HK3: variants seen among roughly 807,000 people sequenced by gnomAD.
HK3 encodes hexokinase 3.
In HK3, 93 loss-of-function variants were observed where a neutral mutation model predicts 91.0. The observed-to-expected ratio is 1.02, with a 90% CI of 0.86 to 1.21. HK3 has a LOEUF of 1.21. HK3 is among the 50% of genes most tolerant of loss of function. The probability of loss-of-function intolerance (pLI) is 0.00; values close to 1 mark genes in which losing one functional copy is unlikely to be tolerated. For synonymous variants in HK3, 519 were observed against 516.9 expected (o/e 1.00, Z -0.06); for missense variants, 1,235 against 1,247.4 (o/e 0.99, Z 0.15).
rs2149374863 is a variant in HK3, at chr5:176,887,390, AG to A, written c.1601-54del. 5.0e-6 allele frequency: 8 copies of A among 1,613,278 alleles called. No homozygotes were observed. The South Asian group carries it at 8.8e-5, about 18-fold the overall frequency. ...GGATAGGGCTTGTGGCTCCAGCCCC[AG>A]CACACACTGGGACCCCCAGGAGCCC... On this transcript the variant is annotated intron_variant, in intron 11 of 18. Coordinates refer to ENST00000292432, the MANE Select transcript of HK3 (RefSeq NM_002115.3). The surrounding 1 kb of genome is among the most constrained non-coding windows in gnomAD (Gnocchi z 4.9).
Position 176,891,498 on chromosome 5 carries a change from A to T in HK3, c.149T>A (p.Ile50Asn). The T allele has an allele frequency of 6.2e-7, 1 of 1,614,106 alleles. No homozygotes were observed. The highest frequency in any genetic ancestry group is 1.1e-5 in the South Asian group (1 of 91,066). Residue 50 changes from isoleucine (I) to asparagine (N), a missense_variant, in exon 3 of 19, where the codon ATC becomes AAC. By Grantham distance (149) the Ile-to-Asn change is moderately radical. This residue lies in a region of HK3 where 717 missense variants were observed against 751.6 expected (regional missense o/e 0.95). Transcript: ENST00000292432. ...FKVTRAQLQQIQASLLGSMEQ... is the reference protein window; with the variant it reads ...FKVTRAQLQQNQASLLGSMEQ... ...CATGGAACCCAAGAGGCTGGCTTGG[A>T]TCTGCTGTAGCTGTGCCCTTGTCAC... is the stretch of plus-strand genomic sequence containing the variant.
At chr5:176,882,257 G>T (rs1039278873) in intron 15 of HK3, 130 bp from the exon 16 acceptor site, 4 of 947,848 alleles carry the variant, frequency 4.2e-6, no homozygotes, top group Admixed American at 4.5e-5. Flanking sequence ...GCCTGTCCCT[G>T]GTCCTGGTCC....
At position 176,891,175 on chromosome 5, in the gene HK3, C is replaced by A. The variant is rs140186766; in HGVS notation, c.276G>T (p.Val92=). The change falls in exon 4 of 19, where the codon GTG becomes GTT. Residue 92 remains valine (V), a synonymous_variant. Coordinates refer to ENST00000292432, the MANE Select transcript of HK3 (RefSeq NM_002115.3). The part of the protein sequence containing the change: ...TPHGTEQGDF[V]VLELGATGAS... ...CCCCTGTGGCCCCCAGCTCCAGCAC[C>A]ACGAAGTCTCCTTGCTCTGGAGGGC... 107 of 1,614,160 alleles carry A rather than the reference C, an allele frequency of 6.6e-5. No individual in the cohort carries two copies. In the African/African-American group the frequency reaches 1.2e-3, roughly 18 times the overall value.
rs1461955650 is a variant in HK3 at position 176,889,466 on chromosome 5, A to C, written c.829T>G (p.Phe277Val). 19 of 1,614,186 alleles carry C rather than the reference A, an allele frequency of 1.2e-5. No individual in the cohort carries two copies. The highest frequency in any genetic ancestry group is 1.6e-5 in the Non-Finnish European group (19 of 1,180,026). Residue 277 changes from phenylalanine (F) to valine (V), a missense_variant, in exon 8 of 19, where the codon TTC becomes GTC. By Grantham distance (50) the Phe-to-Val change is conservative. Transcript: ENST00000292432. ...RVCVSVEWGS[F>V]SDDGALGPVL... ...GGTCCCAGCGCCCCATCATCGCTGA[A>C]GGAGCCCCACTCGACGCTGACGCAG... is the stretch of plus-strand genomic sequence containing the variant.
intron 2 of HK3, among the ~76,000 whole-genome samples, chr5:176,895,178 G>A (rs1001614069): frequency 6.1e-5 from 9 of 147,518 alleles, no homozygotes; most frequent in East Asian, 2.0e-4. Context: ...TCCCGGGTTC[G>A]AGCGATTCTC....
chr5:176,881,824 A>G lies in HK3; in HGVS notation c.2261T>C (p.Met754Thr), dbSNP rs1194891954. 3.1e-6 allele frequency: 5 copies of G among 1,614,038 alleles called. No homozygotes were observed. The highest frequency in any genetic ancestry group is 3.3e-4 in the Middle Eastern group (2 of 6,062). The change falls in exon 17 of 19, where the codon ATG (methionine) becomes ACG (threonine). Residue 754 changes from methionine (M) to threonine (T), a missense_variant. Transcript: ENST00000292432. ...KQRFEKMISG[M>T]YLGEIVRHIL... ...GTGGCGGACGATCTCCCCCAGGTAC[A>G]TGCCGCTGATCATCTTTTCAAACCT...
chr5:176,890,703 AACC>A lies in HK3; in HGVS notation c.559_561del (p.Gly187del), dbSNP rs1758741249. On this transcript the variant is annotated inframe_deletion, in exon 6 of 19. Transcript: ENST00000292432. Reference sequence around the variant, plus strand: ...TGGCCTTCCACACCACTGCACCTAAAACCTTTGGTCCAGGAAATGAGGGTGCTC... The same window carrying A: ...TGGCCTTCCACACCACTGCACCTAAATTTGGTCCAGGAAATGAGGGTGCTC... The A allele has an allele frequency of 6.2e-7, 1 of 1,613,946 alleles. No homozygotes were observed. Among genetic ancestry groups the A allele is most frequent in the Admixed American group, 1.7e-5 (1 of 59,982 alleles).
At chr5:176,889,883 T>G in intron 6 of HK3, 139 bp from the exon 7 acceptor site, 3 of 687,350 alleles carry the variant, frequency 4.4e-6, no homozygotes, top group Admixed American at 4.6e-5. Context: ...GCCACACACA[T>G]TTGTGCCACA....
At chr5:176,893,992 C>G (rs372825131) in intron 2 of HK3, among the ~76,000 whole-genome samples, 6 of 152,348 alleles carry the variant, frequency 3.9e-5, no homozygotes, top group African/African-American at 1.4e-4. Flanking sequence ...ATCACCTCAC[C>G]TCTCTGAGCA....
chr5:176,888,755 G>A lies in HK3; in HGVS notation c.1024C>T (p.Leu342=). Reference sequence around the variant, plus strand: ...TCCAGGAGGATGCTGCCTTGGCTCAGCAGGGCAGGGGAGGTGCAGCCACCA... The same window carrying A: ...TCCAGGAGGATGCTGCCTTGGCTCAACAGGGCAGGGGAGGTGCAGCCACCA... The part of the protein sequence containing the change: ...LFGGCTSPAL[L]SQGSILLEHV... Residue 342 remains leucine, a synonymous_variant, in exon 9 of 19, where the codon CTG becomes TTG. Coordinates refer to ENST00000292432, the MANE Select transcript of HK3 (RefSeq NM_002115.3). The A allele has an allele frequency of 6.2e-7, 1 of 1,614,214 alleles. No homozygotes were observed. The highest frequency in any genetic ancestry group is 8.5e-7 in the Non-Finnish European group (1 of 1,180,032).
chr5:176,887,143 G>A lies in HK3; in HGVS notation c.1738-22C>T. Reference sequence around the variant, plus strand: ...AGAGCTGTGGGGCAGGACAGGTCAGGCGTAGGCACTGCTCAGCCCTTCCCC... The same window carrying A: ...AGAGCTGTGGGGCAGGACAGGTCAGACGTAGGCACTGCTCAGCCCTTCCCC... On this transcript the variant is annotated intron_variant, in intron 12 of 18. Transcript: ENST00000292432. This position sits in a 1 kb window ranked among gnomAD's most constrained non-coding sequence, Gnocchi z 4.9. The A allele has an allele frequency of 6.2e-7, 1 of 1,614,196 alleles. No homozygotes were observed. Among genetic ancestry groups the A allele is most frequent in the Non-Finnish European group, 8.5e-7 (1 of 1,180,036 alleles).
intron 1 of HK3, among the ~76,000 whole-genome samples, chr5:176,898,255 G>A (rs1250617682): frequency 6.6e-6 from 1 of 152,200 alleles, no homozygotes; most frequent in African/African-American, 2.4e-5. Context: ...ACAGGGTCTG[G>A]TATAGGTATG....
chr5:176,896,290 G>A, intron 1 of HK3, 105 bp from the exon 2 acceptor site: 3 of 530,578 alleles, frequency 5.7e-6, no homozygotes, highest in Non-Finnish European at 1.0e-5. Flanking sequence ...CAGGAAGGAA[G>A]CTGGGAGCAG....
rs150421022 is a variant in HK3, at chr5:176,884,089, C to A, written c.1903G>T (p.Glu635Ter). 2.4e-4 allele frequency: 390 copies of A among 1,614,054 alleles called. No homozygotes were observed. Among genetic ancestry groups the A allele is most frequent in the Non-Finnish European group, 3.2e-4 (378 of 1,180,052 alleles). Residue 635 changes from glutamate to a stop codon, truncating the protein, a stop_gained, in exon 14 of 19, where the codon GAG becomes TAG. Transcript: ENST00000292432. LOFTEE classifies it high-confidence loss of function. The surrounding 1 kb of genome is among the most constrained non-coding windows in gnomAD (Gnocchi z 4.1). Reference protein sequence around the residue: ...WTKGFKASDCEGQDVVSLLRE... With the variant: ...WTKGFKASDC Reference sequence around the variant, plus strand: ...AACAGACTCACGACATCTTGGCCCTCGCAGTCTGATGCCTTGAAACCCTTG... The same window carrying A: ...AACAGACTCACGACATCTTGGCCCTAGCAGTCTGATGCCTTGAAACCCTTG...
intron 2 of HK3, among the ~76,000 whole-genome samples, chr5:176,894,722 A>G (rs943123858): frequency 3.9e-5 from 6 of 152,062 alleles, no homozygotes; most frequent in African/African-American, 7.2e-5. Flanking sequence ...AAAACTAAAG[A>G]AACTGCAGAG....
rs1463669709 is a variant in HK3, at chr5:176,889,698, G to A, written c.677C>T (p.Thr226Ile). The change falls in exon 7 of 19, where the codon ACC becomes ATC. Residue 226 changes from threonine to isoleucine, a missense_variant. Physicochemically the swap from Thr to Ile is moderately conservative, Grantham distance 89. Transcript: ENST00000292432. ...GACCCCCGGCTCACAGCCCATCATG[G>A]TGCCCACTGTGTCGTTCACCACAGC... The part of the protein sequence containing the change: ...VVAVVNDTVG[T>I]MMGCEPGVRP... The A allele has an allele frequency of 2.5e-6, 4 of 1,614,052 alleles. No homozygotes were observed. Among genetic ancestry groups the A allele is most frequent in the Non-Finnish European group, 3.4e-6 (4 of 1,180,044 alleles).
intron 2 of HK3, 86 bp from the exon 3 acceptor site, chr5:176,891,636 T>TGCCCA (rs1218347807): frequency 3.5e-5 from 48 of 1,376,790 alleles, no homozygotes; most frequent in Non-Finnish European, 4.4e-5. Flanking sequence ...AGGCCTGCCC[T>TGCCCA]GCCCAGCCCA....
intron 15 of HK3, among the ~76,000 whole-genome samples, chr5:176,882,732 G>C (rs944333172): frequency 7.9e-5 from 12 of 152,186 alleles, no homozygotes; most frequent in Admixed American, 6.5e-4. Flanking sequence ...AAGAAGCACA[G>C]AAAGAAAAAG....
rs1200686164 is a variant in HK3, at chr5:176,887,803, T to G, written c.1305-57A>C. 6.5e-7 allele frequency: 1 copy of G among 1,545,450 alleles called. No homozygotes were observed. Among genetic ancestry groups the G allele is most frequent in the African/African-American group, 1.4e-5 (1 of 73,364 alleles). ...CCCTGGACCCCCAGACACACACAGG[T>G]GTGCACGGCTTGGCCCTGGACCCCC... On this transcript the variant is annotated intron_variant, in intron 10 of 18. Transcript: ENST00000292432. This position sits in a 1 kb window ranked among gnomAD's most constrained non-coding sequence, Gnocchi z 4.9.
Sources: gnomAD v4.1 joint callset for allele counts (sites outside exome capture counted in the v4.1 genomes callset) on GRCh38, gnomAD v4.1.1 for gene constraint, gnomAD v4.1.1 regional missense constraint, Gnocchi (gnomAD v3.1) non-coding constraint, MANE v1.5 for transcripts, NCBI Gene and HGNC (gene_info 2026-07-23, HGNC 2026-07-21) for gene names.